DYSF: variants seen among roughly 807,000 people sequenced by gnomAD.
DYSF encodes the protein dysferlin, also known as dystrophy-associated fer-1-like 1.
In DYSF, 212 loss-of-function variants were observed where a neutral mutation model predicts 274.9. That is an observed-to-expected ratio of 0.77 (90% CI 0.69 to 0.86). DYSF has a LOEUF of 0.86. Among genes scored for constraint, DYSF ranks in the 40% least tolerant of loss-of-function variants. The probability of loss-of-function intolerance (pLI) is 0.00; values close to 1 mark genes in which losing one functional copy is unlikely to be tolerated. For synonymous variants in DYSF, 1,091 were observed against 1,078.7 expected (o/e 1.01, Z -0.22); for missense variants, 2,666 against 2,783.2 (o/e 0.96, Z 0.95).
chr2:71,599,195 G>A (rs1387978910), intron 33 of DYSF, among the ~76,000 whole-genome samples: 2 of 152,166 alleles, frequency 1.3e-5, no homozygotes, highest in Non-Finnish European at 2.9e-5. Context: ...ACGGGTCCCC[G>A]AGTGCCTCTC....
upstream of DYSF, among the ~76,000 whole-genome samples, chr2:71,462,529 C>G (rs72896810): frequency 0.08 from 12,244 of 152,202 alleles, 1,290 homozygotes; most frequent in African/African-American, 0.24. Flanking sequence ...CCTTGTTTGT[C>G]TTACAGCTCT....
chr2:71,634,059 C>T (rs532207452), intron 41 of DYSF, among the ~76,000 whole-genome samples: 3 of 152,256 alleles, frequency 2.0e-5, no homozygotes, highest in African/African-American at 7.2e-5. Flanking sequence ...TCTGGCTGCC[C>T]AGGAACTGCA....
upstream of DYSF, chr2:71,466,571 G>T (rs2081546091): frequency 1.8e-6 from 2 of 1,086,354 alleles, no homozygotes; most frequent in African/African-American, 1.6e-5. Flanking sequence ...CACCCCCACA[G>T]GCGCCCGTCT....
intron 4 of DYSF, 79 bp from the exon 5 acceptor site, chr2:71,511,728 C>T: frequency 5.3e-6 from 5 of 935,530 alleles, no homozygotes; most frequent in Non-Finnish European, 8.5e-6. Flanking sequence ...TGGAGGGATG[C>T]CAGAAACAGG....
rs3749025 is a variant in DYSF, at chr2:71,655,870, A to G, written c.4627-292A>G. On this transcript the variant is annotated intron_variant, in intron 42 of 55. Coordinates refer to ENST00000410020, the MANE Select transcript of DYSF (RefSeq NM_001130987.2). Reference sequence around the variant, plus strand: ...CCTATTCCCTAACGGAGCTGAACAAATATCTTTCCTTTTGCTCCCTTCCCC... The same window carrying G: ...CCTATTCCCTAACGGAGCTGAACAAGTATCTTTCCTTTTGCTCCCTTCCCC... Among the ~76,000 whole-genome samples, 1,884 of 152,212 alleles carry G rather than the reference A, an allele frequency of 0.012. 27 individuals are homozygous for G. Among genetic ancestry groups the G allele is most frequent in the East Asian group, 0.031 (160 of 5,184 alleles).
rs747152170 is a variant in DYSF at position 71,612,700 on chromosome 2, C to T, written c.4281C>T (p.Arg1427=). Residue 1427 remains arginine (R), a synonymous_variant, in exon 39 of 56, where the codon CGC becomes CGT. Coordinates refer to ENST00000410020, the MANE Select transcript of DYSF (RefSeq NM_001130987.2). ...PPITVKVIDN[R]QFGRRPVVGQ... is the part of the protein sequence containing the mutation. ...TCACCGTCAAGGTCATCGATAACCGCCAGTTTGGCCGCCGGCCTGTGGTGG... is the reference window on the plus strand; with the variant it reads ...TCACCGTCAAGGTCATCGATAACCGTCAGTTTGGCCGCCGGCCTGTGGTGG... 6.2e-7 allele frequency: 1 copy of T among 1,614,218 alleles called. No homozygotes were observed. The highest frequency in any genetic ancestry group is 1.7e-5 in the Admixed American group (1 of 60,034).
intron 41 of DYSF, among the ~76,000 whole-genome samples, chr2:71,625,756 A>G (rs915009525): frequency 4.6e-5 from 7 of 152,066 alleles, no homozygotes; most frequent in African/African-American, 1.7e-4. Context: ...AGACATTTTT[A>G]TTATATTGCC....
intron 30 of DYSF, among the ~76,000 whole-genome samples, chr2:71,577,666 G>A (rs2419413): frequency 0.6 from 91,466 of 151,528 alleles, 27,920 homozygotes; most frequent in East Asian, 0.84. Context: ...ATATGCACAC[G>A]CACCCACACA....
At chr2:71,515,798 A>G (rs760746041) in intron 8 of DYSF, 47 bp downstream of exon 8, 7 of 1,612,542 alleles carry the variant, frequency 4.3e-6, no homozygotes, top group Non-Finnish European at 4.2e-6. Context: ...GGGCCTTCCA[A>G]TCTGGAAGCC....
intron 41 of DYSF, among the ~76,000 whole-genome samples, chr2:71,632,498 C>G (rs1477594409): frequency 6.6e-6 from 1 of 152,170 alleles, no homozygotes; most frequent in Non-Finnish European, 1.5e-5. Flanking sequence ...AATGCTTCTG[C>G]AGTCTTGGGA....
chr2:71,586,079 G>A (rs2093057333), intron 30 of DYSF, among the ~76,000 whole-genome samples: 1 of 152,100 alleles, frequency 6.6e-6, no homozygotes, highest in South Asian at 2.1e-4. Context: ...TCAATTTAGA[G>A]GCCACAGCAG....
In DYSF at chr2:71,561,776, G is replaced by A; in HGVS notation, c.2241G>A (p.Glu747=). ...GCSQPLGDIH[E]TPSATHLDQY... Reference sequence around the variant, plus strand: ...GCCAGCCTCTGGGTGACATCCATGAGACACCCTCTGCCACCCACCTGGACC... The same window carrying A: ...GCCAGCCTCTGGGTGACATCCATGAAACACCCTCTGCCACCCACCTGGACC... Residue 747 remains glutamate, a synonymous_variant, in exon 23 of 56, where the codon GAG becomes GAA. Coordinates refer to ENST00000410020, the MANE Select transcript of DYSF (RefSeq NM_001130987.2). The A allele has an allele frequency of 6.2e-7, 1 of 1,614,170 alleles. No homozygotes were observed. The highest frequency in any genetic ancestry group is 1.1e-5 in the South Asian group (1 of 91,080).
chr2:71,584,638 A>G (rs1316684352), intron 30 of DYSF, among the ~76,000 whole-genome samples: 1 of 152,180 alleles, frequency 6.6e-6, no homozygotes, highest in Non-Finnish European at 1.5e-5. Context: ...ACTGCATGTG[A>G]TAAATCTTCA....
At chr2:71,568,734 A>T in intron 26 of DYSF, among the ~76,000 whole-genome samples, 1 of 150,956 alleles carries the variant, frequency 6.6e-6, no homozygotes, top group South Asian at 2.1e-4. Context: ...CTAATTTTTA[A>T]ATTTTTTGTA....
intron 55 of DYSF, among the ~76,000 whole-genome samples, chr2:71,685,408 A>T (rs2095344952): frequency 6.6e-6 from 1 of 152,200 alleles, no homozygotes; most frequent in African/African-American, 2.4e-5. Flanking sequence ...GGCTTTGCTC[A>T]CAGGTCTTTG....
intron 42 of DYSF, 123 bp downstream of exon 42, chr2:71,644,186 G>C (rs954024417): frequency 6.8e-6 from 6 of 883,342 alleles, no homozygotes; most frequent in Non-Finnish European, 1.1e-5. Flanking sequence ...GGTGTCTGAG[G>C]GTGATGAATG....
intron 19 of DYSF, among the ~76,000 whole-genome samples, chr2:71,551,969 G>C (rs1388199793): frequency 4.6e-5 from 7 of 152,232 alleles, no homozygotes; most frequent in African/African-American, 1.7e-4. Flanking sequence ...TCTAGAGCTT[G>C]ATGCAAAATG....
intron 27 of DYSF, 80 bp from the exon 28 acceptor site, chr2:71,570,149 G>C: frequency 1.5e-6 from 2 of 1,344,770 alleles, no homozygotes; most frequent in Non-Finnish European, 2.1e-6. Flanking sequence ...GACGTATGTT[G>C]TCAAGTTGCA....
exon 1 of DYSF, chr2:71,453,765 G>A: frequency 3.4e-6 from 2 of 582,682 alleles, no homozygotes; most frequent in Non-Finnish European, 6.2e-6. Flanking sequence ...AACGCCGGCT[G>A]ACAAGCGGGG....
Sources: gnomAD v4.1 joint callset for allele counts (sites outside exome capture counted in the v4.1 genomes callset) on GRCh38, gnomAD v4.1.1 for gene constraint, MANE v1.5 for transcripts, NCBI Gene and HGNC (gene_info 2026-07-23, HGNC 2026-07-21) for gene names.